The following MICU1 variants were observed in gnomAD, a reference collection of about 807,000 sequenced individuals.
MICU1 encodes calcium uptake protein 1, mitochondrial.
In MICU1, 45 loss-of-function variants were observed where a neutral mutation model predicts 56.8. That is an observed-to-expected ratio of 0.79 (90% CI 0.62 to 1.02). MICU1 has a LOEUF of 1.02. MICU1 is among the 50% of genes least tolerant of loss of function. MICU1 has a pLI of 0.00. For synonymous variants in MICU1, 186 were observed against 195.1 expected (o/e 0.95, Z 0.39); for missense variants, 504 against 587.1 (o/e 0.86, Z 1.46).
rs1408872002 is a variant in MICU1 at position 72,431,115 on chromosome 10, T to TCTAC, written c.934-7745_934-7744insGTAG. Among the ~76,000 whole-genome samples the TCTAC allele has an allele frequency of 2.7e-3, 416 of 151,512 alleles. 3 individuals carry two copies. Among genetic ancestry groups the TCTAC allele is most frequent in the African/African-American group, 9.5e-3 (392 of 41,294 alleles). On this transcript the variant is annotated intron_variant, in intron 8 of 11. Transcript: ENST00000361114. Reference sequence around the variant, plus strand: ...GTCTGTCTATCTATCTATCTATCTATCTATCTATCTATCTATCTATCTATC... The same window carrying TCTAC: ...GTCTGTCTATCTATCTATCTATCTATCTACCTATCTATCTATCTATCTATCTATC...
At chr10:72,585,087 T>G (rs1298870330) in intron 1 of MICU1, among the ~76,000 whole-genome samples, 1 of 150,338 alleles carries the variant, frequency 6.7e-6, no homozygotes, top group Non-Finnish European at 1.5e-5. Context: ...TTTAGGTTTT[T>G]TTTTTTGTTT....
At chr10:72,436,893 T>C (rs1471817061) in intron 8 of MICU1, among the ~76,000 whole-genome samples, 1 of 152,192 alleles carries the variant, frequency 6.6e-6, no homozygotes, top group Non-Finnish European at 1.5e-5. Context: ...AATATGGGAC[T>C]ATGTGCAAAG....
At chr10:72,610,535 A>G (rs1007887789) in intron 1 of MICU1, among the ~76,000 whole-genome samples, 1 of 152,348 alleles carries the variant, frequency 6.6e-6, no homozygotes, top group Non-Finnish European at 1.5e-5. Flanking sequence ...GTGGGAAGAC[A>G]GTAGGCCTTA....
intron 4 of MICU1, among the ~76,000 whole-genome samples, chr10:72,548,815 G>T (rs999753657): frequency 6.6e-6 from 1 of 152,122 alleles, no homozygotes. Context: ...TCCTGCCTCA[G>T]CCTCCTGAGT....
intron 8 of MICU1, among the ~76,000 whole-genome samples, chr10:72,423,854 G>A (rs1209348489): frequency 6.6e-6 from 1 of 152,150 alleles, no homozygotes; most frequent in Non-Finnish European, 1.5e-5. Context: ...TAATTTTAAA[G>A]AAGAGTAATA....
At chr10:72,391,727 G>C (rs1417183986) in intron 10 of MICU1, among the ~76,000 whole-genome samples, 3 of 151,864 alleles carry the variant, frequency 2.0e-5, no homozygotes, top group Admixed American at 6.6e-5. Context: ...CTCATAGATG[G>C]ACCACACAGC....
At chr10:72,458,730 T>C (rs1160775305) in intron 8 of MICU1, among the ~76,000 whole-genome samples, 3 of 147,682 alleles carry the variant, frequency 2.0e-5, no homozygotes, top group Non-Finnish European at 4.5e-5. Context: ...TTTAAATAAA[T>C]ACAGGGTCTC....
intron 1 of MICU1, among the ~76,000 whole-genome samples, chr10:72,579,213 T>C (rs113879604): frequency 0.041 from 6,195 of 152,210 alleles, 430 homozygotes; most frequent in African/African-American, 0.14. Flanking sequence ...ATACACCTTA[T>C]ACTGGGTAAT....
intron 1 of MICU1, among the ~76,000 whole-genome samples, chr10:72,609,444 T>C (rs1271681999): frequency 6.6e-6 from 1 of 151,984 alleles, no homozygotes; most frequent in Admixed American, 6.6e-5. Flanking sequence ...AGTTTAAGAC[T>C]AGCTTGAAGG....
Position 72,408,032 on chromosome 10 carries a change from C to T in MICU1, c.1077G>A (p.Leu359=), listed in dbSNP as rs1863685012. ...AGAAGTTCTCCACCTCCTGAAATGT[C>T]AGACCCTGCAAGAGGAGAGACAGCA... ...LKKHFKEGKG[L]TFQEVENFFT... is the part of the protein sequence containing the mutation. Residue 359 remains leucine (L), a synonymous_variant, in exon 10 of 12, where the codon CTG becomes CTA. Coordinates refer to ENST00000361114, the MANE Select transcript of MICU1 (RefSeq NM_001195518.2). The T allele has an allele frequency of 6.2e-7, 1 of 1,611,286 alleles. No individual in the cohort carries two copies. The highest frequency in any genetic ancestry group is 1.1e-5 in the South Asian group (1 of 90,936).
chr10:72,518,357 G>T (rs2184666), intron 5 of MICU1, among the ~76,000 whole-genome samples: 95,192 of 151,896 alleles, frequency 0.63, 31,337 homozygotes, highest in African/African-American at 0.72. Context: ...AAAAAAATTT[G>T]TGTTATTAAT....
chr10:72,462,337 C>T (rs1865663947), intron 8 of MICU1, among the ~76,000 whole-genome samples: 1 of 151,464 alleles, frequency 6.6e-6, no homozygotes, highest in South Asian at 2.1e-4. Flanking sequence ...TCCACCTTAT[C>T]CTCCCAAGTA....
intron 6 of MICU1, among the ~76,000 whole-genome samples, chr10:72,499,939 T>G (rs1032852552): frequency 6.6e-6 from 1 of 152,144 alleles, no homozygotes; most frequent in Non-Finnish European, 1.5e-5. Context: ...TTCACTTGAA[T>G]GCTATTGTAA....
intron 8 of MICU1, among the ~76,000 whole-genome samples, chr10:72,462,751 A>G (rs192436504): frequency 4.9e-4 from 74 of 152,332 alleles, no homozygotes; most frequent in African/African-American, 1.6e-3. Context: ...AACTTTTTAT[A>G]CACTGGTATA....
intron 5 of MICU1, among the ~76,000 whole-genome samples, chr10:72,529,398 T>G (rs1488053718): frequency 1.3e-5 from 2 of 152,312 alleles, no homozygotes; most frequent in East Asian, 3.9e-4. Context: ...ACAATTGGTT[T>G]CAATAGACAA....
At chr10:72,490,950 G>A (rs1389917519) in intron 6 of MICU1, among the ~76,000 whole-genome samples, 1 of 152,174 alleles carries the variant, frequency 6.6e-6, no homozygotes, top group East Asian at 1.9e-4. Flanking sequence ...CTAGTGGAAA[G>A]AGCCCAAAGG....
chr10:72,381,245 G>A (rs957388703), intron 10 of MICU1, among the ~76,000 whole-genome samples: 11 of 152,244 alleles, frequency 7.2e-5, no homozygotes, highest in Non-Finnish European at 1.3e-4. Flanking sequence ...CTGCCTTACC[G>A]GACTGCAGTG....
intron 8 of MICU1, among the ~76,000 whole-genome samples, chr10:72,435,693 G>T (rs921713842): frequency 6.6e-6 from 1 of 152,238 alleles, no homozygotes; most frequent in Admixed American, 6.5e-5. Context: ...CCCAAATACT[G>T]TGCTTTTCCC....
intron 8 of MICU1, among the ~76,000 whole-genome samples, chr10:72,437,633 G>T (rs997805612): frequency 1.3e-5 from 2 of 152,150 alleles, no homozygotes; most frequent in African/African-American, 4.8e-5. Context: ...ACGCACCAGT[G>T]TGCTGTATTC....
Sources: allele counts gnomAD v4.1 joint callset (sites outside exome capture counted in the v4.1 genomes callset), GRCh38; gene constraint gnomAD v4.1.1; transcripts MANE v1.5; gene names NCBI Gene and HGNC (gene_info 2026-07-23, HGNC 2026-07-21).